The following VSTM4 variants were observed in gnomAD, a reference collection of about 807,000 sequenced individuals.
VSTM4 encodes the protein V-set and transmembrane domain containing 4.
In VSTM4, 20 loss-of-function variants were observed where a neutral mutation model predicts 36.4. The ratio of observed to expected loss-of-function variants is 0.55; its 90% CI spans 0.39 to 0.80. The LOEUF (loss-of-function observed/expected upper bound fraction) is 0.80, where lower values mean the gene tolerates loss of function less well. Among genes scored for constraint, VSTM4 ranks in the 30% least tolerant of loss-of-function variants. The pLI, the probability that VSTM4 is intolerant of heterozygous loss-of-function variation, is 0.00. For missense variants in VSTM4, 392 were observed against 404.5 expected (o/e 0.97, Z 0.26); for synonymous variants, 182 against 173.9 (o/e 1.05, Z -0.37).
chr10:49,048,504 T>C lies in VSTM4; in HGVS notation c.749A>G (p.Asp250Gly). The C allele has an allele frequency of 1.3e-6, 2 of 1,595,286 alleles. No homozygotes were observed. The highest frequency in any genetic ancestry group is 2.3e-5 in the South Asian group (2 of 86,774). The change falls in exon 6 of 8, where the codon GAC becomes GGC. Residue 250 changes from aspartate to glycine, a missense_variant. Asp to Gly is a moderately conservative substitution (Grantham distance 94). Coordinates refer to ENST00000332853, the MANE Select transcript of VSTM4 (RefSeq NM_001031746.5). ...KKGKRQKEKP[D>G]IPPAVPAKAP... ...TTTGGCAGGGACTGCGGGAGGAATG[T>C]CAGGCTTCTCCTTCTGCCTCTTGCC...
At chr10:49,073,271 C>T (rs1020482484) in intron 4 of VSTM4, among the ~76,000 whole-genome samples, 1 of 152,140 alleles carries the variant, frequency 6.6e-6, no homozygotes, top group Admixed American at 6.5e-5. Flanking sequence ...GAGGGAACAC[C>T]CTCAAAACCC....
At chr10:49,115,302 T>C in intron 1 of VSTM4, 129 bp downstream of exon 1, 1 of 582,528 alleles carries the variant, frequency 1.7e-6, no homozygotes, top group Non-Finnish European at 2.2e-6. Context: ...CTGGCGACAG[T>C]GACAGCGCCG....
chr10:49,086,867 T>G (rs1247793070), intron 2 of VSTM4, among the ~76,000 whole-genome samples: 2 of 152,214 alleles, frequency 1.3e-5, no homozygotes, highest in Admixed American at 6.5e-5. Flanking sequence ...TATTTAAGTT[T>G]AATTAATTTA....
chr10:49,030,150 A>G (rs1843322925), intron 7 of VSTM4, among the ~76,000 whole-genome samples: 1 of 152,160 alleles, frequency 6.6e-6, no homozygotes, highest in Admixed American at 6.5e-5. Context: ...GCTACTGAAG[A>G]CGTCCAGGGG....
At chr10:49,040,332 T>C (rs1358046809) in intron 7 of VSTM4, among the ~76,000 whole-genome samples, 1 of 152,184 alleles carries the variant, frequency 6.6e-6, no homozygotes, top group African/African-American at 2.4e-5. Flanking sequence ...ACCTAGGCTG[T>C]AGTGCAGTGG....
At chr10:49,032,541 G>A (rs1564567178) in intron 7 of VSTM4, among the ~76,000 whole-genome samples, 1 of 152,164 alleles carries the variant, frequency 6.6e-6, no homozygotes, top group Admixed American at 6.5e-5. Context: ...GATGCTGCTG[G>A]CTGCAACTTC....
chr10:49,065,700 C>T (rs1213610702), intron 4 of VSTM4, among the ~76,000 whole-genome samples: 1 of 152,164 alleles, frequency 6.6e-6, no homozygotes, highest in Non-Finnish European at 1.5e-5. Context: ...ATGAATGACT[C>T]CAGCTGAGAC....
intron 7 of VSTM4, among the ~76,000 whole-genome samples, chr10:49,022,703 A>G (rs1026177806): frequency 2.0e-5 from 3 of 152,132 alleles, no homozygotes; most frequent in African/African-American, 7.2e-5. Context: ...TTCCCATTAT[A>G]ATGATTCCAT....
chr10:49,068,955 G>A (rs981902189), intron 4 of VSTM4, among the ~76,000 whole-genome samples: 4 of 152,158 alleles, frequency 2.6e-5, no homozygotes, highest in African/African-American at 9.7e-5. Context: ...TGAAGACTCT[G>A]AAAGGAAGGC....
chr10:49,100,531 T>A (rs1232292917), intron 2 of VSTM4, among the ~76,000 whole-genome samples: 1 of 151,264 alleles, frequency 6.6e-6, no homozygotes, highest in African/African-American at 2.4e-5. Context: ...GAAGTAAATA[T>A]AATAAAAATG....
intron 6 of VSTM4, among the ~76,000 whole-genome samples, chr10:49,047,893 T>A (rs75116589): frequency 0.014 from 2,111 of 152,352 alleles, 44 homozygotes; most frequent in African/African-American, 0.043. Context: ...ATCTCCTAAA[T>A]TGACCAGTTA....
intron 4 of VSTM4, among the ~76,000 whole-genome samples, chr10:49,073,520 C>G (rs531542142): frequency 4.6e-5 from 7 of 152,206 alleles, no homozygotes; most frequent in Non-Finnish European, 1.0e-4. Flanking sequence ...CCATTTGCAC[C>G]ATGACTCCCT....
chr10:49,065,043 A>C (rs1478247114), intron 4 of VSTM4, among the ~76,000 whole-genome samples: 1 of 152,202 alleles, frequency 6.6e-6, no homozygotes, highest in Non-Finnish European at 1.5e-5. Flanking sequence ...AGAGTCACTC[A>C]ACCTCTAAGC....
At chr10:49,070,121 C>T (rs867690112) in intron 4 of VSTM4, among the ~76,000 whole-genome samples, 1 of 112,880 alleles carries the variant, frequency 8.9e-6, no homozygotes, top group Non-Finnish European at 1.7e-5. Context: ...GGCGTAGTGG[C>T]GGGCGCCTGT....
chr10:49,021,421 C>A (rs1393945064), intron 7 of VSTM4, among the ~76,000 whole-genome samples: 1 of 151,740 alleles, frequency 6.6e-6, no homozygotes, highest in Non-Finnish European at 1.5e-5. Flanking sequence ...CTACACATGG[C>A]AAAACAGTCT....
At chr10:49,045,527 G>T (rs570055064) in intron 7 of VSTM4, among the ~76,000 whole-genome samples, 2 of 152,162 alleles carry the variant, frequency 1.3e-5, no homozygotes, top group Admixed American at 1.3e-4. Flanking sequence ...ATATTTGCAA[G>T]CCTTAACATA....
intron 2 of VSTM4, among the ~76,000 whole-genome samples, chr10:49,105,689 C>T (rs1844768544): frequency 6.6e-6 from 1 of 152,178 alleles, no homozygotes; most frequent in Non-Finnish European, 1.5e-5. Flanking sequence ...CTAAATGACT[C>T]TGCTTACTTG....
intron 7 of VSTM4, among the ~76,000 whole-genome samples, chr10:49,033,085 G>A (rs1240406016): frequency 6.6e-6 from 1 of 152,086 alleles, no homozygotes; most frequent in Non-Finnish European, 1.5e-5. Context: ...CTCACATAAA[G>A]TTATATGTGA....
chr10:49,114,943 C>G (rs971591188), intron 1 of VSTM4, among the ~76,000 whole-genome samples: 1 of 152,136 alleles, frequency 6.6e-6, no homozygotes, highest in African/African-American at 2.4e-5. Flanking sequence ...AAAAGGCCCA[C>G]GATCAAGTCC....
Sources: gnomAD v4.1 joint callset for allele counts (sites outside exome capture counted in the v4.1 genomes callset) on GRCh38, gnomAD v4.1.1 for gene constraint, MANE v1.5 for transcripts, NCBI Gene and HGNC (gene_info 2026-07-23, HGNC 2026-07-21) for gene names.